TSPAN13: variants seen among roughly 807,000 people sequenced by gnomAD.
TSPAN13 encodes the protein tetraspanin-13.
A neutral mutation model predicts 26.9 loss-of-function variants in TSPAN13; 18 were observed. The ratio of observed to expected loss-of-function variants is 0.67; its 90% confidence interval spans 0.46 to 0.99. TSPAN13 has a LOEUF of 0.99. TSPAN13 is among the 50% of genes least tolerant of loss of function. TSPAN13 has a pLI of 0.00. For missense variants in TSPAN13, 201 were observed against 249.6 expected, an observed-to-expected ratio of 0.81 and a Z score of 1.31; for synonymous variants, 116 against 98.4, an observed-to-expected ratio of 1.18 and a Z score of -1.06.
At chr7:16,782,791 T>C (rs1234017218) in intron 5 of TSPAN13, among the ~76,000 whole-genome samples, 1 of 152,224 alleles carries the variant, frequency 6.6e-6, no homozygotes, top group East Asian at 1.9e-4. Flanking sequence ...TAGACTACTT[T>C]GACTTTGTAT....
intron 1 of TSPAN13, among the ~76,000 whole-genome samples, chr7:16,770,510 C>G (rs706062): frequency 0.015 from 2,314 of 152,270 alleles, 67 homozygotes; most frequent in African/African-American, 0.053. Flanking sequence ...GCGCCCAGCC[C>G]CCTTTTATCT....
rs578152121 is a variant in TSPAN13 at position 16,753,818 on chromosome 7, C to T, written c.-150C>T. The T allele has an allele frequency of 1.1e-5, 8 of 716,158 alleles. No homozygotes were observed. The highest frequency in any genetic ancestry group is 3.8e-5 in the South Asian group (2 of 52,702). 44.4% of individuals were successfully genotyped at this position (716,158 alleles called of 1,614,324 possible). A position where few individuals can be genotyped will look rare whatever the true frequency, so the allele number is the denominator to read the frequency against. ...CCGAGCCGCCGCCGCGCGCGCGCCGCGCACTGCAGCCCCAGGCCCCGGCCC... is the reference window on the plus strand; with the variant it reads ...CCGAGCCGCCGCCGCGCGCGCGCCGTGCACTGCAGCCCCAGGCCCCGGCCC... On this transcript the variant is annotated 5_prime_UTR_variant, in exon 1 of 6. Coordinates refer to ENST00000262067, the MANE Select transcript of TSPAN13 (RefSeq NM_014399.4).
intron 1 of TSPAN13, among the ~76,000 whole-genome samples, chr7:16,767,682 C>G (rs1460160487): frequency 6.6e-6 from 1 of 152,036 alleles, no homozygotes; most frequent in South Asian, 2.1e-4. Context: ...GTTTTAGGTT[C>G]TTTACATTCT....
intron 1 of TSPAN13, among the ~76,000 whole-genome samples, chr7:16,758,648 A>G (rs957710389): frequency 1.3e-5 from 2 of 152,228 alleles, no homozygotes; most frequent in African/African-American, 4.8e-5. Context: ...GCACAGCTAA[A>G]TATTTTAAAG....
At chr7:16,781,523 T>C (rs752044158) in intron 5 of TSPAN13, among the ~76,000 whole-genome samples, 1 of 152,200 alleles carries the variant, frequency 6.6e-6, no homozygotes, top group Non-Finnish European at 1.5e-5. Context: ...GCATTTTGGA[T>C]GTAGCCTTCC....
intron 1 of TSPAN13, among the ~76,000 whole-genome samples, chr7:16,761,833 C>G (rs1191021934): frequency 1.3e-5 from 2 of 151,460 alleles, no homozygotes; most frequent in Non-Finnish European, 2.9e-5. Flanking sequence ...CTGAACCTGC[C>G]TACCTTTATT....
intron 1 of TSPAN13, among the ~76,000 whole-genome samples, chr7:16,759,310 G>A (rs1583786093): frequency 6.6e-6 from 1 of 152,176 alleles, no homozygotes; most frequent in South Asian, 2.1e-4. Context: ...TCTACTTCTG[G>A]TGAGGGCCCC....
intron 5 of TSPAN13, among the ~76,000 whole-genome samples, chr7:16,779,840 T>C (rs1443671867): frequency 9.2e-5 from 14 of 151,514 alleles, no homozygotes; most frequent in African/African-American, 2.7e-4. Context: ...GGCACAATCT[T>C]GGCTCACTGC....
intron 5 of TSPAN13, among the ~76,000 whole-genome samples, chr7:16,782,385 C>T (rs1425976337): frequency 6.6e-6 from 1 of 152,252 alleles, no homozygotes; most frequent in East Asian, 1.9e-4. Flanking sequence ...CTAATGGTGG[C>T]TACAAAGTCA....
chr7:16,769,486 T>C (rs1358734516), intron 1 of TSPAN13, among the ~76,000 whole-genome samples: 1 of 152,224 alleles, frequency 6.6e-6, no homozygotes, highest in Non-Finnish European at 1.5e-5. Flanking sequence ...ATTTTCTTCA[T>C]GAAGATCTTG....
At chr7:16,774,759 T>C (rs1383957697) in intron 1 of TSPAN13, among the ~76,000 whole-genome samples, 2 of 152,208 alleles carry the variant, frequency 1.3e-5, no homozygotes, top group African/African-American at 2.4e-5. Context: ...CCAGCTGCAG[T>C]GGAGCCCACC....
In TSPAN13 at chr7:16,759,397, C is replaced by T. The variant is rs190024737; in HGVS notation, c.63+5367C>T. On this transcript the variant is annotated intron_variant, in intron 1 of 5. Transcript: ENST00000262067. ...GGGAGAGTGAGGGGGAGGTGCCAAA[C>T]GCTTTTAAACAACCAGATCTCACGT... is the stretch of plus-strand genomic sequence containing the variant. 3.8e-3 allele frequency among the ~76,000 whole-genome samples: 582 copies of T among 152,140 alleles called. 14 individuals carry two copies. The highest frequency in any genetic ancestry group is 0.032 in the Admixed American group (496 of 15,290).
At chr7:16,779,508 T>TATATC (rs1784791450) in intron 5 of TSPAN13, among the ~76,000 whole-genome samples, 1 of 152,022 alleles carries the variant, frequency 6.6e-6, no homozygotes, top group African/African-American at 2.4e-5. Flanking sequence ...AAAAAGATTA[T>TATATC]ATATCTTTTT....
intron 1 of TSPAN13, among the ~76,000 whole-genome samples, chr7:16,754,265 G>T (rs1213252747): frequency 6.6e-6 from 1 of 152,162 alleles, no homozygotes; most frequent in Non-Finnish European, 1.5e-5. Flanking sequence ...AGGCTCGCTG[G>T]CCGCGTCTCT....
intron 1 of TSPAN13, among the ~76,000 whole-genome samples, chr7:16,766,011 A>G (rs1395806316): frequency 6.6e-6 from 1 of 152,214 alleles, no homozygotes; most frequent in African/African-American, 2.4e-5. Flanking sequence ...AATTATCACT[A>G]CTGAGAAATA....
At chr7:16,780,853 C>A (rs1222357927) in intron 5 of TSPAN13, among the ~76,000 whole-genome samples, 2 of 152,142 alleles carry the variant, frequency 1.3e-5, no homozygotes, top group Non-Finnish European at 2.9e-5. Context: ...TTCATGGAAT[C>A]CTGCTTTATA....
intron 1 of TSPAN13, among the ~76,000 whole-genome samples, chr7:16,764,933 TG>T (rs1784588791): frequency 8.6e-6 from 1 of 116,878 alleles, no homozygotes; most frequent in Non-Finnish European, 1.8e-5. Context: ...TTTTTGTTTT[TG>T]TTTTTTTTTT....
At chr7:16,770,730 C>G (rs538764074) in intron 1 of TSPAN13, among the ~76,000 whole-genome samples, 82 of 151,962 alleles carry the variant, frequency 5.4e-4, no homozygotes, top group Non-Finnish European at 9.0e-4. Flanking sequence ...TTGGAAGGGT[C>G]CCTCCTGAGC....
At chr7:16,782,389 A>G (rs1176674267) in intron 5 of TSPAN13, among the ~76,000 whole-genome samples, 1 of 152,204 alleles carries the variant, frequency 6.6e-6, no homozygotes, top group African/African-American at 2.4e-5. Flanking sequence ...TGGTGGCTAC[A>G]AAGTCACATA....
Sources: gnomAD v4.1 joint callset for allele counts (sites outside exome capture counted in the v4.1 genomes callset) on GRCh38, gnomAD v4.1.1 for gene constraint, MANE v1.5 for transcripts, NCBI Gene and HGNC (gene_info 2026-07-23, HGNC 2026-07-21) for gene names.